Variants in GCNT4 observed in about 807,000 individuals in gnomAD.
The protein encoded by GCNT4 is beta-1,3-galactosyl-O-glycosyl-glycoprotein beta-1,6-N-acetylglucosaminyltransferase 4.
In GCNT4, 17 loss-of-function variants were observed where a neutral mutation model predicts 31.3. The observed-to-expected ratio is 0.54, with a 90% CI of 0.37 to 0.81. The LOEUF (loss-of-function observed/expected upper bound fraction) is 0.81. GCNT4 is among the 40% of genes least tolerant of loss of function. The pLI, the probability that GCNT4 is intolerant of heterozygous loss-of-function variation, is 0.00. For synonymous variants in GCNT4, 158 were observed against 190.6 expected, an observed-to-expected ratio of 0.83 and a Z score of 1.41; for missense variants, 503 against 525.5, an observed-to-expected ratio of 0.96 and a Z score of 0.42.
At position 75,029,780 on chromosome 5, in the gene GCNT4, C is replaced by G. The variant is rs1043304526; in HGVS notation, c.258G>C (p.Lys86Asn). The part of the protein sequence containing the change: ...IYEQEPLEIG[K>N]SLEIRRRDII... The stretch of plus-strand genomic sequence containing the variant: ...TGTCCCTTCTTCTTATTTCCAGACT[C>G]TTTCCAATTTCCAAAGGCTCCTGTT... The change falls in exon 4 of 4, where the codon AAG (lysine) becomes AAC (asparagine). Residue 86 changes from lysine (K) to asparagine (N), a missense_variant. Physicochemically the swap from Lys to Asn is moderately conservative, Grantham distance 94. Coordinates refer to ENST00000652361, the MANE Select transcript of GCNT4 (RefSeq NM_001366737.1). 5 of 1,614,056 alleles carry G rather than the reference C, an allele frequency of 3.1e-6. No homozygotes were observed. The African/African-American group carries it at 6.7e-5, about 22-fold the overall frequency.
chr5:75,051,718 T>A (rs1481354649), intron 2 of GCNT4, among the ~76,000 whole-genome samples: 2 of 152,230 alleles, frequency 1.3e-5, no homozygotes, highest in African/African-American at 4.8e-5. Flanking sequence ...ACTGCCCGAC[T>A]ATGCCATTCA....
chr5:75,032,222 C>A (rs1482357244), intron 3 of GCNT4, among the ~76,000 whole-genome samples: 1 of 152,160 alleles, frequency 6.6e-6, no homozygotes, highest in East Asian at 1.9e-4. Flanking sequence ...TTCTCTTCTC[C>A]TGCATACTTG....
chr5:75,019,254 A>G, the GCNT4 span, among the ~76,000 whole-genome samples: 2 of 152,256 alleles, frequency 1.3e-5, no homozygotes, highest in Non-Finnish European at 2.9e-5. Flanking sequence ...ATGAGAAGAC[A>G]GCCACCTGCA....
intron 2 of GCNT4, among the ~76,000 whole-genome samples, chr5:75,048,307 C>G (rs1484425427): frequency 1.3e-5 from 2 of 151,986 alleles, no homozygotes; most frequent in South Asian, 2.1e-4. Context: ...AAATAGGAAC[C>G]AAGCAGATTA....
At chr5:75,045,572 G>A (rs544853963) in intron 3 of GCNT4, among the ~76,000 whole-genome samples, 6 of 152,288 alleles carry the variant, frequency 3.9e-5, no homozygotes, top group African/African-American at 7.2e-5. Flanking sequence ...CAGCTATTGC[G>A]AATAATTCTG....
chr5:75,044,692 A>C (rs971914209), intron 3 of GCNT4, among the ~76,000 whole-genome samples: 1 of 152,074 alleles, frequency 6.6e-6, no homozygotes, highest in Non-Finnish European at 1.5e-5. Context: ...TCCCGCACCC[A>C]GACACCATCT....
intron 2 of GCNT4, among the ~76,000 whole-genome samples, chr5:75,051,800 G>A (rs757170097): frequency 1.3e-5 from 2 of 152,154 alleles, no homozygotes; most frequent in Non-Finnish European, 2.9e-5. Context: ...AAAGAAAAGA[G>A]TATAAACCTT....
intron 3 of GCNT4, among the ~76,000 whole-genome samples, chr5:75,044,950 AAC>A (rs1158902186): frequency 6.6e-6 from 1 of 152,258 alleles, no homozygotes; most frequent in African/African-American, 2.4e-5. Context: ...GGATTCAGGC[AAC>A]ACAGTTTTAG....
At chr5:75,036,649 T>C (rs977881778) in intron 3 of GCNT4, among the ~76,000 whole-genome samples, 2 of 152,198 alleles carry the variant, frequency 1.3e-5, no homozygotes, top group African/African-American at 2.4e-5. Context: ...TAAGAGATGA[T>C]TTCCATGGAG....
rs1380977482 is a variant in GCNT4 at position 75,027,646 on chromosome 5, A to T, written c.*1030T>A. On this transcript the variant is annotated 3_prime_UTR_variant, in exon 4 of 4. Transcript: ENST00000652361. ...GTTGGACAGTTGCCAGAGAAGAAAA[A>T]ATTTTAAATGACTATACAAATTAAT... The T allele has an allele frequency of 6.6e-6, 1 of 152,210 alleles. No homozygotes were observed. Among genetic ancestry groups the T allele is most frequent in the Non-Finnish European group, 1.5e-5 (1 of 67,938 alleles). The allele number at this position is 152,210 out of a possible 1,614,324, so 9.4% of individuals were successfully genotyped here. A position where few individuals can be genotyped will look rare whatever the true frequency, so the allele number is the denominator to read the frequency against.
chr5:75,037,861 C>T (rs994880553), intron 3 of GCNT4, among the ~76,000 whole-genome samples: 1 of 144,894 alleles, frequency 6.9e-6, no homozygotes, highest in African/African-American at 2.5e-5. Flanking sequence ...CTGGGCAAGG[C>T]AAGATTCAGT....
chr5:75,030,959 C>G (rs533080952), intron 3 of GCNT4: 1 of 166,724 alleles, frequency 6.0e-6, no homozygotes, highest in South Asian at 2.1e-4. Context: ...CATGTACATG[C>G]CAATGGGGAA....
In GCNT4 at chr5:75,029,163, G is replaced by C. The variant is rs750910859; in HGVS notation, c.875C>G (p.Pro292Arg). 1 of 1,613,790 alleles carries C rather than the reference G, an allele frequency of 6.2e-7. No homozygotes were observed. Among genetic ancestry groups the C allele is most frequent in the Non-Finnish European group, 8.5e-7 (1 of 1,180,002 alleles). The change falls in exon 4 of 4, where the codon CCC becomes CGC. Residue 292 changes from proline (P) to arginine (R), a missense_variant. Pro to Arg is a moderately radical substitution (Grantham distance 103, BLOSUM62 -2). Coordinates refer to ENST00000652361, the MANE Select transcript of GCNT4 (RefSeq NM_001366737.1). ...AACAAATATCTGAATGTTATGGGGG[G>C]GTGCTTCCTTGGAGATGTTTGTCCT... Reference protein sequence around the residue: ...PIRTNISKEAPPHNIQIFVGS... With the variant: ...PIRTNISKEARPHNIQIFVGS...
At chr5:75,039,866 C>T (rs1480046650) in intron 3 of GCNT4, among the ~76,000 whole-genome samples, 1 of 152,146 alleles carries the variant, frequency 6.6e-6, no homozygotes, top group African/African-American at 2.4e-5. Flanking sequence ...CTCCCTAATC[C>T]CACTCCCTAC....
In GCNT4 at chr5:75,035,875, G is replaced by A. The variant is rs532373117; in HGVS notation, c.-1-5837C>T. Among the ~76,000 whole-genome samples the A allele has an allele frequency of 9.2e-5, 14 of 152,272 alleles. No homozygotes were observed. In the East Asian group the frequency reaches 2.1e-3, roughly 23 times the overall value. On this transcript the variant is annotated intron_variant, in intron 3 of 3. Coordinates refer to ENST00000652361, the MANE Select transcript of GCNT4 (RefSeq NM_001366737.1). ...GCCCAGACCTGTGGCTTATTGTCCT[G>A]TTTTTCAATCTACCTCCTATTTCTC...
At chr5:75,045,536 A>G (rs545193350) in intron 3 of GCNT4, among the ~76,000 whole-genome samples, 2 of 152,334 alleles carry the variant, frequency 1.3e-5, no homozygotes, top group Non-Finnish European at 2.9e-5. Context: ...ATCTGTCAGT[A>G]GATATTTGCT....
downstream of GCNT4, among the ~76,000 whole-genome samples, chr5:75,021,716 C>T (rs1381530990): frequency 6.6e-6 from 1 of 152,154 alleles, no homozygotes; most frequent in Non-Finnish European, 1.5e-5. Context: ...CTTTCCTTTC[C>T]TTGGAGGTGA....
intron 3 of GCNT4, among the ~76,000 whole-genome samples, chr5:75,046,467 C>G (rs767920776): frequency 4.6e-5 from 7 of 152,162 alleles, no homozygotes; most frequent in East Asian, 1.9e-4. Flanking sequence ...AACTGTCCCC[C>G]CTCTGCTTCA....
intron 3 of GCNT4, among the ~76,000 whole-genome samples, chr5:75,046,259 C>G (rs756680427): frequency 5.3e-5 from 8 of 152,122 alleles, no homozygotes; most frequent in Non-Finnish European, 8.8e-5. Flanking sequence ...GAAGAAGGAA[C>G]CTGGTAGAAG....
Sources: allele counts gnomAD v4.1 joint callset (sites outside exome capture counted in the v4.1 genomes callset), GRCh38; gene constraint gnomAD v4.1.1; transcripts MANE v1.5; gene names NCBI Gene and HGNC (gene_info 2026-07-23, HGNC 2026-07-21).